The following NPC1 variants were observed in gnomAD, a reference collection of about 807,000 sequenced individuals.
NPC1 encodes the protein NPC intracellular cholesterol transporter 1, also known as Niemann-Pick C1 protein.
In NPC1, 85 loss-of-function variants were observed where a neutral mutation model predicts 140.4. The observed-to-expected ratio is 0.61, with a 90% CI of 0.51 to 0.72. NPC1 has a LOEUF of 0.72. Ranked by LOEUF, NPC1 falls within the 30% of genes least tolerant of loss-of-function variation. NPC1 has a pLI of 0.00. For missense variants in NPC1, 1,504 were observed against 1,623.8 expected (o/e 0.93, Z 1.27); for synonymous variants, 656 against 624.8 (o/e 1.05, Z -0.74).
intron 10 of NPC1, among the ~76,000 whole-genome samples, chr18:23,550,002 TA>T (rs1417985250): frequency 7.2e-5 from 11 of 151,898 alleles, no homozygotes; most frequent in Admixed American, 3.3e-4. Context: ...CTGCCATGCA[TA>T]CTAATATTTT....
intron 10 of NPC1, among the ~76,000 whole-genome samples, chr18:23,550,238 C>T (rs1227582003): frequency 6.6e-6 from 1 of 151,874 alleles, no homozygotes; most frequent in Non-Finnish European, 1.5e-5. Context: ...TCTCAAACTC[C>T]TAGCTCAAGT....
chr18:23,575,863 G>A (rs2145562937), intron 1 of NPC1, among the ~76,000 whole-genome samples: 1 of 151,564 alleles, frequency 6.6e-6, no homozygotes, highest in South Asian at 2.1e-4. Flanking sequence ...AAGGCAGGTG[G>A]GTCGCTTGAG....
intron 4 of NPC1, among the ~76,000 whole-genome samples, chr18:23,562,537 T>C (rs922440180): frequency 5.3e-5 from 8 of 152,100 alleles, no homozygotes; most frequent in Non-Finnish European, 1.0e-4. Flanking sequence ...TTACCCTTGT[T>C]CTGGAAAGAC....
rs1326365719 is a variant in NPC1 at position 23,531,874 on chromosome 18, T to C, written c.*328A>G. 1.9e-5 allele frequency: 27 copies of C among 1,446,424 alleles called. No homozygotes were observed. In the South Asian group the frequency reaches 3.6e-4, roughly 19 times the overall value. 89.6% of individuals were successfully genotyped at this position (1,446,424 alleles called of 1,614,324 possible). ...TACTCCTAAAAGGAGAGACAGACAG[T>C]GCATTGATTGGCCTTTACAGAGTGT... On this transcript the variant is annotated 3_prime_UTR_variant, in exon 25 of 25. Transcript: ENST00000269228.
intron 3 of NPC1, chr18:23,508,091 G>GCT: frequency 6.5e-7 from 1 of 1,541,434 alleles, no homozygotes; most frequent in Non-Finnish European, 8.8e-7. Context: ...GTGTTGAGCT[G>GCT]GGTTATGTAG....
At chr18:23,552,824 G>A (rs974674868) in intron 9 of NPC1, among the ~76,000 whole-genome samples, 1 of 152,222 alleles carries the variant, frequency 6.6e-6, no homozygotes, top group Non-Finnish European at 1.5e-5. Context: ...AAATCTGAGA[G>A]AGCATCCAGA....
intron 20 of NPC1, 96 bp from the exon 21 acceptor site, chr18:23,536,972 G>A: frequency 1.1e-6 from 1 of 939,744 alleles, no homozygotes; most frequent in Non-Finnish European, 1.7e-6. Flanking sequence ...CCTGACCCTG[G>A]ACTCAGAGGT....
At chr18:23,523,553 AAAAAAAAAAAAAAAAAG>A (rs1461503976) in intron 1 of NPC1, among the ~76,000 whole-genome samples, 5 of 112,736 alleles carry the variant, frequency 4.4e-5, no homozygotes, top group Admixed American at 3.5e-4. Context: ...CAAAAAAAAA[AAAAAAAAAAAAAAAAAG>A]AAAAAAAGTT....
chr18:23,516,043 CCT>C (rs765277410), intron 3 of NPC1: 31 of 1,612,498 alleles, frequency 1.9e-5, no homozygotes, highest in African/African-American at 8.0e-5. Context: ...CCAGTTGTCC[CCT>C]GTTCCTGTAG....
intron 3 of NPC1, among the ~76,000 whole-genome samples, chr18:23,509,880 T>C (rs1318535127): frequency 5.3e-5 from 8 of 152,062 alleles, no homozygotes. Context: ...TTAAACTTTT[T>C]TGTAGAGACG....
Position 23,543,094 on chromosome 18 carries a change from G to A in NPC1, c.2245+361C>T, listed in dbSNP as rs550000299. 3.9e-5 allele frequency among the ~76,000 whole-genome samples: 6 copies of A among 152,226 alleles called. No homozygotes were observed. In the South Asian group the frequency reaches 1.2e-3, roughly 32 times the overall value. ...TGTAATCTCAGCACTTTGGGAGGCC[G>A]AGGCAGGTACATCACCTGAGGTCAG... is the stretch of plus-strand genomic sequence containing the variant. On this transcript the variant is annotated intron_variant, in intron 14 of 24. Transcript: ENST00000269228.
At chr18:23,555,565 G>A (rs1316016009) in intron 8 of NPC1, among the ~76,000 whole-genome samples, 1 of 152,210 alleles carries the variant, frequency 6.6e-6, no homozygotes, top group Non-Finnish European at 1.5e-5. Flanking sequence ...TTGTAGACAT[G>A]AGCAATGTTT....
chr18:23,543,446 CATA>C lies in NPC1; in HGVS notation c.2245+6_2245+8del. 6.6e-7 allele frequency: 1 copy of C among 1,518,936 alleles called. No homozygotes were observed. The highest frequency in any genetic ancestry group is 9.1e-7 in the Non-Finnish European group (1 of 1,094,498). The allele number at this position is 1,518,936 out of a possible 1,614,324, so 94.1% of individuals were successfully genotyped here. On this transcript the variant is annotated splice_donor_region_variant and intron_variant, in intron 14 of 24. Transcript: ENST00000269228. The stretch of plus-strand genomic sequence containing the variant: ...ACTACAGGACTGGTAGGATTGAAAG[CATA>C]ATTACCTAAGAAAAATGCTACAGTC...
At chr18:23,513,777 GTGATGT>G (rs1328107000) in intron 3 of NPC1, among the ~76,000 whole-genome samples, 25 of 152,320 alleles carry the variant, frequency 1.6e-4, no homozygotes, top group Admixed American at 1.4e-3. Context: ...TTGTTGATTA[GTGATGT>G]TGAGCACTTT....
rs371704068 is a variant in NPC1, at chr18:23,561,341, T to G, written c.631+19A>C. 1 of 1,613,792 alleles carries G rather than the reference T, an allele frequency of 6.2e-7. No individual in the cohort carries two copies. Among genetic ancestry groups the G allele is most frequent in the African/African-American group, 1.3e-5 (1 of 74,898 alleles). On this transcript the variant is annotated intron_variant, in intron 5 of 24. Transcript: ENST00000269228. ...AAACAATATCATAAACACACCAAAC[T>G]TGGAATCTTTATACCTACCTGAAAA... is the stretch of plus-strand genomic sequence containing the variant.
At chr18:23,512,789 T>G (rs4371239) in intron 3 of NPC1, among the ~76,000 whole-genome samples, 3,734 of 152,196 alleles carry the variant, frequency 0.025, 121 homozygotes, top group African/African-American at 0.086. Flanking sequence ...TCTTAACTGT[T>G]TTTAAGTGTT....
Position 23,568,978 on chromosome 18 carries a change from T to A in NPC1, c.308A>T (p.Asn103Ile). The change falls in exon 4 of 25, where the codon AAC (asparagine) becomes ATC (isoleucine). Residue 103 changes from asparagine (N) to isoleucine (I), a missense_variant. Transcript: ENST00000269228. ...CAGCTCACAAAACAGGTTCAGTAGG[T>A]TATAAAAACAGGATGGACATCTAAA... ...FLSRCPSCFY[N>I]LLNLFCELTC... 6.2e-7 allele frequency: 1 copy of A among 1,613,658 alleles called. No individual in the cohort carries two copies. Among genetic ancestry groups the A allele is most frequent in the Non-Finnish European group, 8.5e-7 (1 of 1,179,784 alleles).
chr18:23,584,676 C>T (rs960834974), intron 1 of NPC1, among the ~76,000 whole-genome samples: 1 of 152,116 alleles, frequency 6.6e-6, no homozygotes, highest in South Asian at 2.1e-4. Context: ...CTGACCAACA[C>T]GGTGAAACCC....
Position 23,573,465 on chromosome 18 carries a change from T to C in NPC1, c.167A>G (p.Tyr56Cys), listed in dbSNP as rs1482926189. 2 of 1,614,174 alleles carry C rather than the reference T, an allele frequency of 1.2e-6. No homozygotes were observed. Among genetic ancestry groups the C allele is most frequent in the Non-Finnish European group, 8.5e-7 (1 of 1,180,018 alleles). Residue 56 changes from tyrosine to cysteine, a missense_variant, in exon 2 of 25, where the codon TAT (tyrosine) becomes TGT (cysteine). Transcript: ENST00000269228. ...TAATGAACTTACCTGCACTAAGTCA[T>C]ATCCATCCTTTGGCAATGGTTTTGG... Reference protein sequence around the residue: ...GPPKPLPKDGYDLVQELCPGF... With the variant: ...GPPKPLPKDGCDLVQELCPGF...
Sources: gnomAD v4.1 joint callset for allele counts (sites outside exome capture counted in the v4.1 genomes callset) on GRCh38, gnomAD v4.1.1 for gene constraint, MANE v1.5 for transcripts, NCBI Gene and HGNC (gene_info 2026-07-23, HGNC 2026-07-21) for gene names.